PTPRQ: variants seen among roughly 807,000 people sequenced by gnomAD.
PTPRQ encodes the protein protein tyrosine phosphatase receptor type Q.
Under a neutral mutation model 246.0 loss-of-function variants are expected in PTPRQ, and 199 were observed. The ratio of observed to expected loss-of-function variants is 0.81; its 90% CI spans 0.72 to 0.91. PTPRQ has a LOEUF of 0.91. Among genes scored for constraint, PTPRQ ranks in the 40% least tolerant of loss-of-function variants. The pLI, the probability that PTPRQ is intolerant of heterozygous loss-of-function variation, is 0.00. For synonymous variants in PTPRQ, 869 were observed against 853.2 expected (o/e 1.02, Z -0.32); for missense variants, 2,624 against 2,528.4 (o/e 1.04, Z -0.81).
chr12:80,565,064 A>C (rs1896938093), intron 25 of PTPRQ, among the ~76,000 whole-genome samples: 1 of 152,260 alleles, frequency 6.6e-6, no homozygotes, highest in Admixed American at 6.5e-5. Flanking sequence ...TAACGTAATA[A>C]GATCTGTAAA....
intron 25 of PTPRQ, among the ~76,000 whole-genome samples, chr12:80,558,119 CTTTCTTTTCTTTTCTTTTCTTTTCT>C (rs370347187): frequency 8.4e-5 from 8 of 95,680 alleles, no homozygotes; most frequent in Non-Finnish European, 1.2e-4. Flanking sequence ...TCTTTTCTTT[CTTTCTTTTCTTTTCTTTTCTTTTCT>C]TTTCTTTTCT....
intron 26 of PTPRQ, among the ~76,000 whole-genome samples, chr12:80,594,602 C>A (rs1433568679): frequency 6.6e-6 from 1 of 152,098 alleles, no homozygotes; most frequent in Non-Finnish European, 1.5e-5. Context: ...CCTTCCCTTG[C>A]AAGTCTTTTC....
chr12:80,506,296 T>C, intron 15 of PTPRQ, 90 bp downstream of exon 15: 1 of 1,311,138 alleles, frequency 7.6e-7, no homozygotes, highest in East Asian at 2.6e-5. Context: ...TTCAGATTAT[T>C]TTCATGCAGG....
intron 14 of PTPRQ, among the ~76,000 whole-genome samples, chr12:80,504,741 C>A (rs1894901278): frequency 6.6e-6 from 1 of 151,842 alleles, no homozygotes; most frequent in Admixed American, 6.6e-5. Flanking sequence ...GTGGAGGTTT[C>A]TTCAGGGTAC....
intron 20 of PTPRQ, 108 bp downstream of exon 20, chr12:80,540,052 C>A: frequency 4.2e-6 from 4 of 955,558 alleles, no homozygotes; most frequent in Non-Finnish European, 4.3e-6. Context: ...TATTTAGACA[C>A]GTTCATTATA....
chr12:80,450,611 C>A (rs1892727903), intron 3 of PTPRQ, among the ~76,000 whole-genome samples: 1 of 151,900 alleles, frequency 6.6e-6, no homozygotes, highest in Non-Finnish European at 1.5e-5. Flanking sequence ...TTGTCAAAGG[C>A]CTTTTCTGCA....
chr12:80,546,461 GT>G, intron 23 of PTPRQ, 94 bp from the exon 24 acceptor site: 1 of 1,203,922 alleles, frequency 8.3e-7, no homozygotes, highest in Non-Finnish European at 1.2e-6. Context: ...TAAACTATAG[GT>G]TAAATATAAA....
chr12:80,542,973 T>C (rs1439832966), intron 23 of PTPRQ, 92 bp downstream of exon 23: 2 of 865,790 alleles, frequency 2.3e-6, no homozygotes, highest in Non-Finnish European at 3.3e-6. Flanking sequence ...GACTACTAAA[T>C]TAAACAATGA....
At chr12:80,510,288 A>C (rs1895085017) in intron 16 of PTPRQ, 35 bp from the exon 17 acceptor site, 1 of 1,427,058 alleles carries the variant, frequency 7.0e-7, no homozygotes, top group Non-Finnish European at 9.2e-7. Flanking sequence ...ATATATGTTT[A>C]ATAAAACACA....
At chr12:80,621,794 G>A (rs1429936871) in intron 32 of PTPRQ, among the ~76,000 whole-genome samples, 1 of 151,936 alleles carries the variant, frequency 6.6e-6, no homozygotes, top group African/African-American at 2.4e-5. Flanking sequence ...AGCTGATTCA[G>A]TTGTTCAAAC....
In PTPRQ at chr12:80,619,439, G is replaced by A. The variant is rs1898890202; in HGVS notation, c.5286G>A (p.Leu1762=). The change falls in exon 31 of 45, where the codon CTG becomes CTA. Residue 1762 remains leucine (L), a synonymous_variant. Coordinates refer to ENST00000644991, the MANE Select transcript of PTPRQ (RefSeq NM_001145026.2). The part of the protein sequence containing the change: ...PTPIYDATGK[L]LVTSTTITIR... ...CTATTTATGATGCCACAGGAAAACT[G>A]CTTGTGACTTCAACAACAATTACAA... 3 of 1,548,260 alleles carry A rather than the reference G, an allele frequency of 1.9e-6. No individual in the cohort carries two copies. Among genetic ancestry groups the A allele is most frequent in the Non-Finnish European group, 8.7e-7 (1 of 1,144,840 alleles).
rs141927970 is a variant in PTPRQ, at chr12:80,623,856, G to A, written c.5686+1722G>A. Among the ~76,000 whole-genome samples the A allele has an allele frequency of 4.1e-3, 622 of 152,128 alleles. 6 individuals carry two copies. Among genetic ancestry groups the A allele is most frequent in the African/African-American group, 0.014 (596 of 41,518 alleles). ...AGAAAAGCTATAAAAGGGGGGGAGCGCCAAGCATCAGGAACCACAGTGCAC... is the reference window on the plus strand; with the variant it reads ...AGAAAAGCTATAAAAGGGGGGGAGCACCAAGCATCAGGAACCACAGTGCAC... On this transcript the variant is annotated intron_variant, in intron 33 of 44. Coordinates refer to ENST00000644991, the MANE Select transcript of PTPRQ (RefSeq NM_001145026.2).
At chr12:80,561,162 A>C (rs1398168813) in intron 25 of PTPRQ, 1 of 152,250 alleles carries the variant, frequency 6.6e-6, no homozygotes, top group Admixed American at 6.5e-5. Flanking sequence ...TTTGAGAAAC[A>C]CATAGTATCC....
chr12:80,679,308 A>G lies in PTPRQ; in HGVS notation c.*285A>G. On this transcript the variant is annotated 3_prime_UTR_variant, in exon 45 of 45. Transcript: ENST00000644991. ...CCATATTTTGGAATAAGCCAAATAG[A>G]AAATTATTATTATATTAGCATTAAT... is the stretch of plus-strand genomic sequence containing the variant. 4.0e-6 allele frequency: 1 copy of G among 250,528 alleles called. No homozygotes were observed. Among genetic ancestry groups the G allele is most frequent in the Non-Finnish European group, 7.5e-6 (1 of 132,968 alleles). 15.5% of individuals were successfully genotyped at this position (250,528 alleles called of 1,614,324 possible). A position where few individuals can be genotyped will look rare whatever the true frequency, so the allele number is the denominator to read the frequency against.
chr12:80,524,452 A>G (rs1341759105), intron 17 of PTPRQ, among the ~76,000 whole-genome samples: 1 of 152,042 alleles, frequency 6.6e-6, no homozygotes, highest in Non-Finnish European at 1.5e-5. Flanking sequence ...CTTTTTCTTT[A>G]TGAATTACCA....
intron 42 of PTPRQ, among the ~76,000 whole-genome samples, chr12:80,672,963 A>G (rs1424103485): frequency 2.0e-5 from 3 of 152,134 alleles, no homozygotes; most frequent in Non-Finnish European, 4.4e-5. Flanking sequence ...CAAATATTTG[A>G]TAGCATATTA....
At chr12:80,581,413 A>T (rs1897431473) in intron 25 of PTPRQ, among the ~76,000 whole-genome samples, 1 of 152,170 alleles carries the variant, frequency 6.6e-6, no homozygotes. Flanking sequence ...AGGTGGGCAG[A>T]TCAGTTGAGC....
chr12:80,639,596 CT>C, intron 35 of PTPRQ, among the ~76,000 whole-genome samples: 1 of 152,286 alleles, frequency 6.6e-6, no homozygotes, highest in East Asian at 1.9e-4. Context: ...CAATAATTTT[CT>C]TTCTTCAGTA....
At chr12:80,628,654 T>C (rs1899298416) in intron 33 of PTPRQ, among the ~76,000 whole-genome samples, 1 of 152,192 alleles carries the variant, frequency 6.6e-6, no homozygotes, top group South Asian at 2.1e-4. Context: ...ATATTTACTC[T>C]GTGCCCAGTA....
Sources: gnomAD v4.1 joint callset for allele counts (sites outside exome capture counted in the v4.1 genomes callset) on GRCh38, gnomAD v4.1.1 for gene constraint, MANE v1.5 for transcripts, NCBI Gene and HGNC (gene_info 2026-07-23, HGNC 2026-07-21) for gene names.